The following THRA variants were observed in gnomAD, a reference collection of about 807,000 sequenced individuals.
THRA encodes the protein EAR-7.
A neutral mutation model predicts 45.0 loss-of-function variants in THRA; 13 were observed. The observed-to-expected ratio is 0.29, with a 90% CI of 0.19 to 0.46. The LOEUF (loss-of-function observed/expected upper bound fraction) is 0.46. Ranked by LOEUF, THRA falls within the 20% of genes least tolerant of loss-of-function variation. The probability of loss-of-function intolerance (pLI) is 1.00; values close to 1 mark genes in which losing one functional copy is unlikely to be tolerated. For synonymous variants in THRA, 195 were observed against 214.0 expected (o/e 0.91, Z 0.78); for missense variants, 278 against 556.1 (o/e 0.50, Z 5.03).
At chr17:40,066,059 G>A (rs1269420843) in intron 1 of THRA, among the ~76,000 whole-genome samples, 2 of 152,220 alleles carry the variant, frequency 1.3e-5, no homozygotes, top group South Asian at 2.1e-4. Flanking sequence ...CAACAGCTGT[G>A]TCCTTTTTGC....
intron 6 of THRA, among the ~76,000 whole-genome samples, chr17:40,085,789 G>C (rs1042185960): frequency 6.6e-6 from 1 of 151,950 alleles, no homozygotes; most frequent in Non-Finnish European, 1.5e-5. Flanking sequence ...GATTACAGGC[G>C]TGCGCCACCA....
chr17:40,081,993 T>G (rs1024048668), intron 4 of THRA, among the ~76,000 whole-genome samples: 2 of 151,774 alleles, frequency 1.3e-5, no homozygotes, highest in African/African-American at 4.8e-5. Flanking sequence ...ATTAAAAAAA[T>G]AAAATAAAGG....
Position 40,077,541 on chromosome 17 carries a change from A to G in THRA, c.155A>G (p.Gln52Arg). The change falls in exon 4 of 9, where the codon CAG becomes CGG. Residue 52 changes from glutamine (Q) to arginine (R), a missense_variant. Gln to Arg is a conservative substitution (Grantham distance 43). Coordinates refer to ENST00000450525, the MANE Select transcript of THRA (RefSeq NM_199334.5). ...YIPSYLDKDEQCVVCGDKATG... is the reference protein window; with the variant it reads ...YIPSYLDKDERCVVCGDKATG... ...CCTAGTTACCTGGACAAAGACGAGC[A>G]GTGTGTCGTGTGTGGGGACAAGGCA... 1.9e-6 allele frequency: 3 copies of G among 1,614,066 alleles called. No individual in the cohort carries two copies. The highest frequency in any genetic ancestry group is 2.5e-6 in the Non-Finnish European group (3 of 1,179,962).
intron 4 of THRA, among the ~76,000 whole-genome samples, chr17:40,082,608 C>T (rs1425777443): frequency 1.3e-5 from 2 of 151,772 alleles, no homozygotes; most frequent in African/African-American, 2.4e-5. Flanking sequence ...GCAGTCTGCC[C>T]GCCTGGGCCT....
upstream of THRA, chr17:40,062,647 T>G (rs1206106060): frequency 6.6e-6 from 1 of 152,146 alleles, no homozygotes; most frequent in South Asian, 2.1e-4. Context: ...TTTAATGACA[T>G]CTTTTCCAAA....
intron 1 of THRA, among the ~76,000 whole-genome samples, chr17:40,073,097 A>C (rs1986834754): frequency 6.6e-6 from 1 of 152,168 alleles, no homozygotes; most frequent in African/African-American, 2.4e-5. Flanking sequence ...GCTGCTTATC[A>C]GCTCCTGGGG....
chr17:40,072,546 G>C (rs991044563), intron 1 of THRA, among the ~76,000 whole-genome samples: 1 of 151,646 alleles, frequency 6.6e-6, no homozygotes, highest in East Asian at 1.9e-4. Flanking sequence ...GGCACAGCCT[G>C]GGGGGCAGAC....
chr17:40,087,790 G>A (rs751722267), intron 7 of THRA, among the ~76,000 whole-genome samples: 16 of 151,948 alleles, frequency 1.1e-4, no homozygotes, highest in African/African-American at 1.5e-4. Context: ...ACAGATTTTC[G>A]TTCTGTCACC....
chr17:40,067,255 C>G (rs752791550), intron 1 of THRA, among the ~76,000 whole-genome samples: 14 of 152,286 alleles, frequency 9.2e-5, no homozygotes, highest in Non-Finnish European at 1.0e-4. Context: ...GGGACACACC[C>G]CACCAGCTAG....
chr17:40,081,691 C>T (rs759389605), intron 4 of THRA, among the ~76,000 whole-genome samples: 6 of 151,852 alleles, frequency 4.0e-5, no homozygotes, highest in Non-Finnish European at 8.8e-5. Context: ...AGGCTGGGTG[C>T]GGTGGCTCAC....
At chr17:40,082,478 T>G (rs1342180857) in intron 4 of THRA, among the ~76,000 whole-genome samples, 2 of 151,882 alleles carry the variant, frequency 1.3e-5, no homozygotes, top group Non-Finnish European at 2.9e-5. Context: ...CAAGCGATTC[T>G]CCTGCCTCAG....
rs1435532576 is a variant in THRA at position 40,088,411 on chromosome 17, C to T, written c.893C>T (p.Ala298Val). 1 of 1,614,100 alleles carries T rather than the reference C, an allele frequency of 6.2e-7. No individual in the cohort carries two copies. ...GGCGGCCTGGGCGTAGTCTCCGACG[C>T]CATCTTTGAACTGGGCAAGTCACTC... The part of the protein sequence containing the change: ...KNGGLGVVSD[A>V]IFELGKSLSA... The change falls in exon 8 of 9, where the codon GCC (alanine) becomes GTC (valine). Residue 298 changes from alanine (A) to valine (V), a missense_variant. This residue lies in a region of THRA where 66 missense variants were observed against 94.7 expected (regional missense o/e 0.70). Transcript: ENST00000450525.
At chr17:40,067,398 T>A (rs1217238500) in intron 1 of THRA, among the ~76,000 whole-genome samples, 1 of 152,166 alleles carries the variant, frequency 6.6e-6, no homozygotes, top group Admixed American at 6.5e-5. Flanking sequence ...GTGCCCTTCC[T>A]CCCTCCTGGG....
intron 1 of THRA, among the ~76,000 whole-genome samples, chr17:40,070,478 C>T (rs1343140561): frequency 6.6e-6 from 1 of 152,212 alleles, no homozygotes; most frequent in African/African-American, 2.4e-5. Flanking sequence ...GCACTGCCAC[C>T]ACCACAGACT....
rs1987462283 is a variant in THRA, at chr17:40,089,638, G to A, written c.*182G>A. Reference sequence around the variant, plus strand: ...GTCCCTCCTCAGACCTCCAGCCCTGGGACAGGGCAAACAACTGAACTTGCT... The same window carrying A: ...GTCCCTCCTCAGACCTCCAGCCCTGAGACAGGGCAAACAACTGAACTTGCT... On this transcript the variant is annotated 3_prime_UTR_variant, in exon 9 of 9. Coordinates refer to ENST00000450525, the MANE Select transcript of THRA (RefSeq NM_199334.5). This position sits in a 1 kb window ranked among gnomAD's most constrained non-coding sequence, Gnocchi z 6.1. 5.6e-6 allele frequency: 8 copies of A among 1,430,844 alleles called. No individual in the cohort carries two copies. Among genetic ancestry groups the A allele is most frequent in the East Asian group, 2.5e-5 (1 of 39,920 alleles). The allele number at this position is 1,430,844 out of a possible 1,614,324, so 88.6% of individuals were successfully genotyped here. A position where few individuals can be genotyped will look rare whatever the true frequency, so the allele number is the denominator to read the frequency against.
downstream of THRA, chr17:40,093,660 T>C: frequency 1.5e-6 from 1 of 645,514 alleles, no homozygotes; most frequent in Non-Finnish European, 2.6e-6. This position sits in a 1 kb window ranked among gnomAD's most constrained non-coding sequence, Gnocchi z 5.9. Flanking sequence ...AAGTGTCACC[T>C]CCTTCCCCAG....
chr17:40,062,324 A>G (rs1986384575), upstream of THRA: 1 of 152,090 alleles, frequency 6.6e-6, no homozygotes, highest in Non-Finnish European at 1.5e-5. Context: ...GTAACAGGGA[A>G]TGAACCCCCA....
Position 40,092,672 on chromosome 17 carries a change from T to C in THRA, c.*3216T>C, listed in dbSNP as rs1174950931. The C allele has an allele frequency of 4.2e-6, 1 of 235,574 alleles. No individual in the cohort carries two copies. Among genetic ancestry groups the C allele is most frequent in the African/African-American group, 2.2e-5 (1 of 44,870 alleles). The allele number at this position is 235,574 out of a possible 1,614,324, so 14.6% of individuals were successfully genotyped here. On this transcript the variant is annotated 3_prime_UTR_variant, in exon 9 of 9. Transcript: ENST00000450525. ...TAGACTTGTGTGCTGTTTCCCTATA[T>C]CCTCCCATCTGCTGGCAGAGTACCC...
downstream of THRA, chr17:40,093,536 G>C: frequency 8.4e-7 from 1 of 1,187,718 alleles, no homozygotes; most frequent in East Asian, 2.6e-5. The surrounding 1 kb of genome is among the most constrained non-coding windows in gnomAD (Gnocchi z 5.9). Flanking sequence ...TTCCTCAGCA[G>C]GCCAAACATG....
Sources: gnomAD v4.1 joint callset for allele counts (sites outside exome capture counted in the v4.1 genomes callset) on GRCh38, gnomAD v4.1.1 for gene constraint, gnomAD v4.1.1 regional missense constraint, Gnocchi (gnomAD v3.1) non-coding constraint, MANE v1.5 for transcripts, NCBI Gene and HGNC (gene_info 2026-07-23, HGNC 2026-07-21) for gene names.